The following ELFN1 variants were observed in gnomAD, a reference collection of about 807,000 sequenced individuals.
ELFN1 encodes the protein extracellular leucine rich repeat and fibronectin type III domain containing 1, also known as protein ELFN1.
Under a neutral mutation model 7.6 loss-of-function variants are expected in ELFN1, and 6 were observed. The ratio of observed to expected loss-of-function variants is 0.79; its 90% CI spans 0.43 to 1.56. ELFN1 has a LOEUF of 1.56. ELFN1 is among the 40% of genes most tolerant of loss of function. The pLI is 0.01. For missense variants in ELFN1, 1,169 were observed against 1,232.2 expected (o/e 0.95, Z 0.77); for synonymous variants, 657 against 588.1 (o/e 1.12, Z -1.70).
In ELFN1 at chr7:1,684,272, A is replaced by G. The variant is rs575587737; in HGVS notation, c.-548-3786A>G. 9.9e-5 allele frequency among the ~76,000 whole-genome samples: 15 copies of G among 152,262 alleles called. No homozygotes were observed. In the South Asian group the frequency reaches 2.9e-3, roughly 29 times the overall value. ...CTTTTTCGATCCTTTTATTTTCAAC[A>G]TATTTGTATATTTGAACTAAAATGT... On this transcript the variant is annotated intron_variant, in intron 1 of 3. Transcript: ENST00000424383.
At chr7:1,731,816 A>AT (rs1289993430) in intron 3 of ELFN1, among the ~76,000 whole-genome samples, 1 of 152,070 alleles carries the variant, frequency 6.6e-6, no homozygotes, top group African/African-American at 2.4e-5. Context: ...CGCCTGGCTA[A>AT]TTTTTGTATT....
At position 1,670,581 on chromosome 7, in the gene ELFN1, G is replaced by T. The variant is rs562763235; in HGVS notation, c.-549+227G>T. Among the ~76,000 whole-genome samples, 9 of 152,212 alleles carry T rather than the reference G, an allele frequency of 5.9e-5. No individual in the cohort carries two copies. The East Asian group carries it at 1.7e-3, about 30-fold the overall frequency. ...GGCGGAGCGGGCGCAGGCTCAGCCC[G>T]ACAAAGCCCGGGGGCCCGGGTCGGG... On this transcript the variant is annotated intron_variant, in intron 1 of 3. Coordinates refer to ENST00000424383, the MANE Select transcript of ELFN1 (RefSeq NM_001128636.4). The surrounding 1 kb of genome is among the most constrained non-coding windows in gnomAD (Gnocchi z 6.4).
chr7:1,729,916 G>A (rs2128598020), intron 3 of ELFN1, among the ~76,000 whole-genome samples: 1 of 152,354 alleles, frequency 6.6e-6, no homozygotes, highest in East Asian at 1.9e-4. Flanking sequence ...CGGATGCCGA[G>A]GCACGTAGAC....
chr7:1,668,629 T>G (rs1033661283), upstream of ELFN1, among the ~76,000 whole-genome samples: 3 of 152,166 alleles, frequency 2.0e-5, no homozygotes, highest in African/African-American at 7.2e-5. Flanking sequence ...GAGCTGCAGC[T>G]GGGGAGACCT....
At position 1,744,393 on chromosome 7, in the gene ELFN1, G is replaced by A. The variant is rs924219487; in HGVS notation, c.-204G>A. The A allele has an allele frequency of 3.0e-5, 17 of 570,974 alleles. No homozygotes were observed. Among genetic ancestry groups the A allele is most frequent in the East Asian group, 1.9e-4 (6 of 30,928 alleles). 35.4% of individuals were successfully genotyped at this position (570,974 alleles called of 1,614,324 possible). On this transcript the variant is annotated 5_prime_UTR_variant, in exon 4 of 4. Coordinates refer to ENST00000424383, the MANE Select transcript of ELFN1 (RefSeq NM_001128636.4). ...GCCTCGGTCACCACAGGACTGGGGCGGAAGACGAGAGGCGGCCGGCCGTGA... is the reference window on the plus strand; with the variant it reads ...GCCTCGGTCACCACAGGACTGGGGCAGAAGACGAGAGGCGGCCGGCCGTGA...
intron 1 of ELFN1, among the ~76,000 whole-genome samples, chr7:1,685,136 A>G (rs992200649): frequency 2.0e-5 from 3 of 152,160 alleles, no homozygotes; most frequent in African/African-American, 7.2e-5. Flanking sequence ...TATTTTGAAT[A>G]TGCCATTCCA....
At chr7:1,699,857 C>T (rs1364644481) in intron 2 of ELFN1, among the ~76,000 whole-genome samples, 4 of 152,072 alleles carry the variant, frequency 2.6e-5, no homozygotes, top group Non-Finnish European at 4.4e-5. Context: ...GCGTGTGCCA[C>T]CGTGCCCTGC....
intron 3 of ELFN1, among the ~76,000 whole-genome samples, chr7:1,731,715 G>A (rs1417450785): frequency 2.0e-5 from 3 of 152,172 alleles, no homozygotes; most frequent in African/African-American, 4.8e-5. Flanking sequence ...GCAGTGGTGC[G>A]ATCTCAGCTC....
intron 2 of ELFN1, among the ~76,000 whole-genome samples, chr7:1,708,081 C>G (rs1369642787): frequency 2.0e-5 from 3 of 152,232 alleles, no homozygotes; most frequent in Non-Finnish European, 1.5e-5. Flanking sequence ...CAGACACTAC[C>G]TCCTCTGGTC....
Position 1,747,332 on chromosome 7 carries a change from A to ACC in ELFN1, c.*250_*251insCC, listed in dbSNP as rs1780834798. 15 of 224,354 alleles carry ACC rather than the reference A, an allele frequency of 6.7e-5. No individual in the cohort carries two copies. Among genetic ancestry groups the ACC allele is most frequent in the Admixed American group, 1.2e-4 (2 of 16,994 alleles). 13.9% of individuals were successfully genotyped at this position (224,354 alleles called of 1,614,324 possible). On this transcript the variant is annotated 3_prime_UTR_variant, in exon 4 of 4. Transcript: ENST00000424383. Reference sequence around the variant, plus strand: ...CACACACACACACACACACACACACACACGAGGGACTTCGGAAAACTGTGT... The same window carrying ACC: ...CACACACACACACACACACACACACACCCACGAGGGACTTCGGAAAACTGTGT...
intron 3 of ELFN1, among the ~76,000 whole-genome samples, chr7:1,737,853 T>A (rs1049774362): frequency 6.6e-6 from 1 of 152,086 alleles, no homozygotes; most frequent in Admixed American, 6.5e-5. Flanking sequence ...TGGCCTAAAG[T>A]CTGACCCCGT....
chr7:1,666,387 C>A (rs912402906), upstream of ELFN1, among the ~76,000 whole-genome samples: 4 of 152,092 alleles, frequency 2.6e-5, no homozygotes, highest in South Asian at 8.3e-4. This position sits in a 1 kb window ranked among gnomAD's most constrained non-coding sequence, Gnocchi z 7.9. Context: ...AGGGCCGAGT[C>A]TCCCCGCCCG....
chr7:1,708,807 G>T (rs1440903488), intron 2 of ELFN1, among the ~76,000 whole-genome samples: 1 of 152,136 alleles, frequency 6.6e-6, no homozygotes, highest in Non-Finnish European at 1.5e-5. Context: ...GTGACCCCAG[G>T]TCTGGCAACT....
At position 1,746,809 on chromosome 7, in the gene ELFN1, A is replaced by T. The variant is rs1275058502; in HGVS notation, c.2213A>T (p.Glu738Val). 3 of 1,534,286 alleles carry T rather than the reference A, an allele frequency of 2.0e-6. No individual in the cohort carries two copies. The East Asian group carries it at 7.4e-5, about 38-fold the overall frequency. ...CTGGGGCGCAAGGCGTCCATCCTGG[A>T]GCCACTCACCCGGCCGCGGCCCCGC... Reference protein sequence around the residue: ...EGLGRKASILEPLTRPRPRDL... With the variant: ...EGLGRKASILVPLTRPRPRDL... The change falls in exon 4 of 4, where the codon GAG becomes GTG. Residue 738 changes from glutamate to valine, a missense_variant. Physicochemically the swap from Glu to Val is moderately radical, Grantham distance 121 (BLOSUM62 -2). Around this residue, in one of 2 missense-constraint regions of ELFN1, gnomAD observed 914 missense variants for 872.6 expected, o/e 1.05. Transcript: ENST00000424383.
intron 3 of ELFN1, among the ~76,000 whole-genome samples, chr7:1,709,497 G>A (rs1032927166): frequency 7.2e-5 from 11 of 152,218 alleles, no homozygotes; most frequent in East Asian, 3.9e-4. Context: ...TGGGGCTGCC[G>A]GGGGACCCGG....
At chr7:1,669,955 A>ACCTCC (rs1484055609), upstream of ELFN1, among the ~76,000 whole-genome samples, 3 of 136,196 alleles carry the variant, frequency 2.2e-5, no homozygotes, top group Non-Finnish European at 3.1e-5. Flanking sequence ...GCTTTCTAGG[A>ACCTCC]CCTCCCCTCC....
At chr7:1,693,707 C>T (rs959213142) in intron 2 of ELFN1, 52 of 470,712 alleles carry the variant, frequency 1.1e-4, no homozygotes, top group Middle Eastern at 3.2e-4. Context: ...CAGCTGTGTG[C>T]GCCACACTCA....
At chr7:1,711,445 G>T (rs552374640) in intron 3 of ELFN1, among the ~76,000 whole-genome samples, 64 of 152,222 alleles carry the variant, frequency 4.2e-4, no homozygotes, top group African/African-American at 1.5e-3. Flanking sequence ...GGCAGGGAGT[G>T]TGGGAAGAGG....
chr7:1,743,488 A>C (rs564330748), intron 3 of ELFN1, among the ~76,000 whole-genome samples: 258 of 152,298 alleles, frequency 1.7e-3, no homozygotes, highest in African/African-American at 5.8e-3. Context: ...AGGTGCAGAC[A>C]GTGCCAAGTC....
Sources: allele counts gnomAD v4.1 joint callset (sites outside exome capture counted in the v4.1 genomes callset), GRCh38; gene constraint gnomAD v4.1.1; regional missense constraint gnomAD v4.1.1; non-coding constraint Gnocchi (gnomAD v3.1); transcripts MANE v1.5; gene names NCBI Gene and HGNC (gene_info 2026-07-23, HGNC 2026-07-21).